The following TAB1 variants were observed in gnomAD, a reference collection of about 807,000 sequenced individuals.
TAB1 encodes the protein TGF-beta-activated kinase 1 and MAP3K7-binding protein 1.
In TAB1, 30 loss-of-function variants were observed where a neutral mutation model predicts 54.5. The observed-to-expected ratio is 0.55, with a 90% confidence interval of 0.41 to 0.75. The LOEUF is 0.75. Ranked by LOEUF, TAB1 falls within the 30% of genes least tolerant of loss-of-function variation. The pLI is 0.00. For synonymous variants in TAB1, 289 were observed against 286.9 expected (o/e 1.01, Z -0.07); for missense variants, 609 against 683.2 (o/e 0.89, Z 1.21).
chr22:39,426,906 C>G lies in TAB1; in HGVS notation c.1125C>G (p.Pro375=). ...ACCCGCTGGGCGAAATGAGCCAGCC[C>G]ACACCGAGCCCAGCCCCAGGTACGT... ...FGYPLGEMSQ[P]TPSPAPAAGG... The change falls in exon 9 of 11, where the codon CCC becomes CCG. Residue 375 remains proline, a synonymous_variant. Coordinates refer to ENST00000216160, the MANE Select transcript of TAB1 (RefSeq NM_006116.3). The G allele has an allele frequency of 1.2e-6, 2 of 1,611,964 alleles. No individual in the cohort carries two copies. The highest frequency in any genetic ancestry group is 1.7e-6 in the Non-Finnish European group (2 of 1,179,838).
chr22:39,432,072 C>T (rs931747748), downstream of TAB1, among the ~76,000 whole-genome samples: 1 of 152,172 alleles, frequency 6.6e-6, no homozygotes. Flanking sequence ...ACATGGCTTG[C>T]CTGTTACCTC....
At chr22:39,433,434 C>T (rs34989961), downstream of TAB1, 1 of 974,584 alleles carries the variant, frequency 1.0e-6, no homozygotes, top group African/African-American at 1.8e-5. Context: ...GCCTGGGCGA[C>T]AGAGCGAGAC....
downstream of TAB1, among the ~76,000 whole-genome samples, chr22:39,435,756 C>A (rs948993092): frequency 6.6e-6 from 1 of 152,146 alleles, no homozygotes; most frequent in African/African-American, 2.4e-5. Flanking sequence ...ACAGCACAGT[C>A]CTTTGGCCAT....
chr22:39,425,786 T>C (rs1927303351), intron 8 of TAB1, among the ~76,000 whole-genome samples: 1 of 151,148 alleles, frequency 6.6e-6, no homozygotes, highest in Admixed American at 6.6e-5. Flanking sequence ...GACCTCATGA[T>C]CGGCCTGCCT....
At position 39,413,989 on chromosome 22, in the gene TAB1, C is replaced by T. The variant is rs34181879; in HGVS notation, c.34-1017C>T. Among the ~76,000 whole-genome samples, 1,406 of 152,172 alleles carry T rather than the reference C, an allele frequency of 9.2e-3. 27 individuals carry two copies. Among genetic ancestry groups the T allele is most frequent in the African/African-American group, 0.031 (1,295 of 41,526 alleles). On this transcript the variant is annotated intron_variant, in intron 1 of 10. Coordinates refer to ENST00000216160, the MANE Select transcript of TAB1 (RefSeq NM_006116.3). ...GGAAATTCAGAAATTGTGTTTAGGC[C>T]GGGGATGGGGCCAGGGCCTGGACCG...
downstream of TAB1, among the ~76,000 whole-genome samples, chr22:39,434,380 G>T (rs1377522921): frequency 6.6e-6 from 1 of 152,252 alleles, no homozygotes; most frequent in Non-Finnish European, 1.5e-5. Flanking sequence ...CGTGGTTCTG[G>T]CCTCTTCACA....
At position 39,403,858 on chromosome 22, in the gene TAB1, A is replaced by G. The variant is rs1445139256; in HGVS notation, c.33+4023A>G. Reference sequence around the variant, plus strand: ...ACGGGGTTTCACCGTGTTAGCCAGGATGGTCTCGATCTCCTGACCTCGTGA... The same window carrying G: ...ACGGGGTTTCACCGTGTTAGCCAGGGTGGTCTCGATCTCCTGACCTCGTGA... On this transcript the variant is annotated intron_variant, in intron 1 of 10. Transcript: ENST00000216160. Among the ~76,000 whole-genome samples the G allele has an allele frequency of 2.6e-5, 4 of 151,402 alleles. No individual in the cohort carries two copies. The Middle Eastern group carries it at 0.014, about 518-fold the overall frequency.
downstream of TAB1, among the ~76,000 whole-genome samples, chr22:39,435,483 G>A (rs560352348): frequency 2.0e-5 from 3 of 152,310 alleles, no homozygotes; most frequent in African/African-American, 7.2e-5. Context: ...AGCGATTTGT[G>A]TCTGAAGGTT....
At position 39,419,599 on chromosome 22, in the gene TAB1, A is replaced by C; in HGVS notation, c.745A>C (p.Lys249Gln). Reference protein sequence around the residue: ...STRRIGDYKVKYGYTDIDLLS... With the variant: ...STRRIGDYKVQYGYTDIDLLS... ...CCGGCGGATCGGGGATTACAAGGTTAAATATGGCTACACGGACATTGACCT... is the reference window on the plus strand; with the variant it reads ...CCGGCGGATCGGGGATTACAAGGTTCAATATGGCTACACGGACATTGACCT... The change falls in exon 7 of 11, where the codon AAA becomes CAA. Residue 249 changes from lysine to glutamine, a missense_variant. Physicochemically the swap from Lys to Gln is moderately conservative, Grantham distance 53 (BLOSUM62 1). Transcript: ENST00000216160. 1 of 1,612,558 alleles carries C rather than the reference A, an allele frequency of 6.2e-7. No individual in the cohort carries two copies. The highest frequency in any genetic ancestry group is 8.5e-7 in the Non-Finnish European group (1 of 1,179,128).
chr22:39,429,408 C>T (rs552522306), intron 10 of TAB1: 3 of 975,588 alleles, frequency 3.1e-6, no homozygotes, highest in East Asian at 2.3e-4. Context: ...GGAGTGCTCG[C>T]GTGGGTGCTG....
chr22:39,415,239 C>G lies in TAB1; in HGVS notation c.170+97C>G. 4.2e-6 allele frequency: 6 copies of G among 1,439,590 alleles called. No individual in the cohort carries two copies. The highest frequency in any genetic ancestry group is 5.6e-6 in the Non-Finnish European group (6 of 1,069,048). The allele number at this position is 1,439,590 out of a possible 1,614,324, so 89.2% of individuals were successfully genotyped here. A position where few individuals can be genotyped will look rare whatever the true frequency, so the allele number is the denominator to read the frequency against. ...TTGCAGCTTTCTCGTATGGGCTTGC[C>G]AGTGACATGTGGCCCGTGAGAGGTG... On this transcript the variant is annotated intron_variant, in intron 2 of 10. Transcript: ENST00000216160. The surrounding 1 kb of genome is among the most constrained non-coding windows in gnomAD (Gnocchi z 4.9).
At position 39,429,999 on chromosome 22, in the gene TAB1, C is replaced by T. The variant is rs369797638; in HGVS notation, c.1308-16C>T. 292 of 1,611,868 alleles carry T rather than the reference C, an allele frequency of 1.8e-4. No homozygotes were observed. The highest frequency in any genetic ancestry group is 2.3e-4 in the Non-Finnish European group (271 of 1,179,604). ...CCGGCTGCTTCTGATTGACTCCCTC[C>T]CCTGTTGTCCTGCAGCCAAAGCCCG... is the stretch of plus-strand genomic sequence containing the variant. On this transcript the variant is annotated splice_polypyrimidine_tract_variant and intron_variant, in intron 10 of 10. Coordinates refer to ENST00000216160, the MANE Select transcript of TAB1 (RefSeq NM_006116.3).
rs1417636287 is a variant in TAB1, at chr22:39,416,888, C to G, written c.411+11C>G. ...TCGCAATTGCCAGAGGTAATTTCCC[C>G]AGCCGACACCCAGGGGAGTCAAGTC... is the stretch of plus-strand genomic sequence containing the variant. On this transcript the variant is annotated intron_variant, in intron 4 of 10. Transcript: ENST00000216160. 1.2e-6 allele frequency: 2 copies of G among 1,614,044 alleles called. No individual in the cohort carries two copies. The highest frequency in any genetic ancestry group is 1.7e-6 in the Non-Finnish European group (2 of 1,179,934).
chr22:39,432,768 C>T (rs1377416580), downstream of TAB1: 13 of 985,624 alleles, frequency 1.3e-5, no homozygotes, highest in East Asian at 1.1e-4. Context: ...CTGCCCTAAG[C>T]GTGTGGGGCC....
chr22:39,402,004 A>G (rs553649189), intron 1 of TAB1, among the ~76,000 whole-genome samples: 1 of 152,270 alleles, frequency 6.6e-6, no homozygotes, highest in Admixed American at 6.5e-5. Context: ...GGAGGAGCAT[A>G]TGCCACTGAT....
downstream of TAB1, chr22:39,436,708 C>T: frequency 1.5e-6 from 1 of 665,300 alleles, no homozygotes; most frequent in Non-Finnish European, 2.6e-6. Flanking sequence ...GGCAGACCCC[C>T]TCCCTCATGC....
downstream of TAB1, chr22:39,431,905 T>C: frequency 5.1e-6 from 5 of 984,558 alleles, no homozygotes; most frequent in Non-Finnish European, 6.0e-6. Context: ...TCATGTTTCC[T>C]GTAACTCGCA....
Position 39,431,518 on chromosome 22 carries a change from C to G in TAB1, c.*1296C>G. The stretch of plus-strand genomic sequence containing the variant: ...CGGCCCACCAGGGACTAGCCGCTGT[C>G]GCACAGCCTCTGGGGTGCTTGGTCT... On this transcript the variant is annotated 3_prime_UTR_variant, in exon 11 of 11. Transcript: ENST00000216160. 1.0e-6 allele frequency: 1 copy of G among 985,616 alleles called. No individual in the cohort carries two copies. The highest frequency in any genetic ancestry group is 1.7e-5 in the African/African-American group (1 of 57,382). 61.1% of individuals were successfully genotyped at this position (985,616 alleles called of 1,614,324 possible). A position where few individuals can be genotyped will look rare whatever the true frequency, so the allele number is the denominator to read the frequency against.
chr22:39,431,294 G>T lies in TAB1; in HGVS notation c.*1072G>T. On this transcript the variant is annotated 3_prime_UTR_variant, in exon 11 of 11. Transcript: ENST00000216160. ...ATGTTCTCTGCCTTCAGTGGGGAGG[G>T]GGTGCCACCAGGGCTGTCGGCCAGG... is the stretch of plus-strand genomic sequence containing the variant. The T allele has an allele frequency of 1.0e-6, 1 of 985,626 alleles. No individual in the cohort carries two copies. The highest frequency in any genetic ancestry group is 4.7e-5 in the South Asian group (1 of 21,290). The allele number at this position is 985,626 out of a possible 1,614,324, so 61.1% of individuals were successfully genotyped here. A position where few individuals can be genotyped will look rare whatever the true frequency, so the allele number is the denominator to read the frequency against.
Sources: gnomAD v4.1 joint callset for allele counts (sites outside exome capture counted in the v4.1 genomes callset) on GRCh38, gnomAD v4.1.1 for gene constraint, Gnocchi (gnomAD v3.1) non-coding constraint, MANE v1.5 for transcripts, NCBI Gene and HGNC (gene_info 2026-07-23, HGNC 2026-07-21) for gene names.